CAMTA1: variants seen among roughly 807,000 people sequenced by gnomAD.
The protein encoded by CAMTA1 is calmodulin-binding transcription activator 1.
CAMTA1 carries 27 observed loss-of-function variants against 170.9 expected under a neutral mutation model. That is an observed-to-expected ratio of 0.16 (90% confidence interval 0.12 to 0.22). CAMTA1 has a LOEUF of 0.22. CAMTA1 is among the 10% of genes least tolerant of loss of function. The pLI, the probability that CAMTA1 is intolerant of heterozygous loss-of-function variation, is 1.00. For missense variants in CAMTA1, 1,619 were observed against 2,217.2 expected (o/e 0.73, Z 5.42); for synonymous variants, 833 against 891.5 (o/e 0.93, Z 1.17).
At chr1:7,382,644 C>T (rs545276949) in intron 5 of CAMTA1, 2 of 152,362 alleles carry the variant, frequency 1.3e-5, no homozygotes, top group South Asian at 4.1e-4. Flanking sequence ...TGTAGCAAGG[C>T]TGGCCCAAGG....
intron 5 of CAMTA1, among the ~76,000 whole-genome samples, chr1:7,261,977 C>T (rs769626458): frequency 1.9e-4 from 29 of 151,848 alleles, no homozygotes; most frequent in Non-Finnish European, 3.1e-4. Flanking sequence ...TACCCGTCTA[C>T]ATGCTGTGCA....
intron 3 of CAMTA1, among the ~76,000 whole-genome samples, chr1:6,900,566 C>G (rs1389824591): frequency 1.3e-5 from 2 of 151,510 alleles, no homozygotes; most frequent in Admixed American, 6.6e-5. Flanking sequence ...AAAAAAAAAC[C>G]CAAGCACCTA....
At chr1:6,988,814 C>T (rs562610792) in intron 3 of CAMTA1, among the ~76,000 whole-genome samples, 20 of 152,280 alleles carry the variant, frequency 1.3e-4, no homozygotes, top group African/African-American at 4.6e-4. Context: ...TAAATGGTAT[C>T]GTAAAGAGTT....
intron 4 of CAMTA1, among the ~76,000 whole-genome samples, chr1:7,094,870 A>G (rs1313341067): frequency 2.6e-5 from 4 of 152,242 alleles, no homozygotes; most frequent in South Asian, 2.1e-4. Context: ...TCAGTGTGAT[A>G]ATAATACCAT....
intron 5 of CAMTA1, among the ~76,000 whole-genome samples, chr1:7,374,358 A>T (rs1464871157): frequency 6.6e-6 from 1 of 152,264 alleles, no homozygotes; most frequent in Non-Finnish European, 1.5e-5. Flanking sequence ...AATAGCTTCA[A>T]ACTGGAAATG....
At chr1:7,720,903 C>T (rs548146690) in intron 11 of CAMTA1, among the ~76,000 whole-genome samples, 9 of 152,290 alleles carry the variant, frequency 5.9e-5, no homozygotes, top group African/African-American at 1.9e-4. Context: ...ATCACTTTGA[C>T]CATCCTCTCT....
At chr1:6,935,840 G>A (rs976244828) in intron 3 of CAMTA1, among the ~76,000 whole-genome samples, 1 of 152,172 alleles carries the variant, frequency 6.6e-6, no homozygotes, top group Non-Finnish European at 1.5e-5. Context: ...GCCCTAGACA[G>A]TCCCTGGTGG....
intron 5 of CAMTA1, among the ~76,000 whole-genome samples, chr1:7,410,935 GTATGTGTGTA>G (rs1557669506): frequency 2.0e-5 from 3 of 151,904 alleles, no homozygotes; most frequent in Admixed American, 1.3e-4. Context: ...ATGTCTGTGT[GTATGTGTGTA>G]TATGTGTGTA....
chr1:7,505,374 A>T (rs1319545107), intron 6 of CAMTA1, among the ~76,000 whole-genome samples: 1 of 152,124 alleles, frequency 6.6e-6, no homozygotes, highest in Non-Finnish European at 1.5e-5. Context: ...GTGTGCTGGG[A>T]CGTGGGCGTC....
intron 3 of CAMTA1, among the ~76,000 whole-genome samples, chr1:6,979,620 A>G (rs1350728768): frequency 6.6e-6 from 1 of 152,176 alleles, no homozygotes; most frequent in Non-Finnish European, 1.5e-5. Flanking sequence ...GTGTTGGTTG[A>G]ATTATTTTAG....
At chr1:7,612,689 C>A (rs2095531887) in intron 6 of CAMTA1, among the ~76,000 whole-genome samples, 1 of 152,234 alleles carries the variant, frequency 6.6e-6, no homozygotes, top group Admixed American at 6.5e-5. Context: ...GGAGTGATGG[C>A]TGCCAGGCAC....
chr1:7,695,788 T>G (rs893410707), intron 11 of CAMTA1, among the ~76,000 whole-genome samples: 20 of 152,166 alleles, frequency 1.3e-4, no homozygotes, highest in South Asian at 1.2e-3. Context: ...CACTTTTTTC[T>G]TTTTCTAAGT....
At chr1:6,952,339 G>T (rs1160739262) in intron 3 of CAMTA1, among the ~76,000 whole-genome samples, 2 of 149,310 alleles carry the variant, frequency 1.3e-5, no homozygotes, top group African/African-American at 2.5e-5. Context: ...GCTGAGGCAG[G>T]AGAAAGGCGT....
At chr1:7,191,406 C>T (rs1021019839) in intron 4 of CAMTA1, among the ~76,000 whole-genome samples, 9 of 152,316 alleles carry the variant, frequency 5.9e-5, no homozygotes, top group South Asian at 2.1e-4. Context: ...GGTATGCCAC[C>T]TTGCACCATA....
intron 6 of CAMTA1, among the ~76,000 whole-genome samples, chr1:7,479,461 G>A (rs1194545969): frequency 6.6e-6 from 1 of 152,150 alleles, no homozygotes; most frequent in Non-Finnish European, 1.5e-5. Flanking sequence ...GGACGTCCTG[G>A]GGGATTTTAT....
intron 4 of CAMTA1, among the ~76,000 whole-genome samples, chr1:7,118,219 G>A (rs552143702): frequency 2.0e-5 from 3 of 151,648 alleles, no homozygotes; most frequent in Non-Finnish European, 4.4e-5. Context: ...GGCATTGCCT[G>A]ATGGAGGGAC....
chr1:7,444,090 T>C (rs891244226), intron 5 of CAMTA1, among the ~76,000 whole-genome samples: 4 of 152,212 alleles, frequency 2.6e-5, no homozygotes, highest in African/African-American at 9.6e-5. Context: ...CCGCTGGTGC[T>C]CAGTGAGATT....
At chr1:7,319,684 G>T (rs1268717604) in intron 5 of CAMTA1, among the ~76,000 whole-genome samples, 1 of 152,120 alleles carries the variant, frequency 6.6e-6, no homozygotes, top group East Asian at 1.9e-4. Context: ...CACTCATTCA[G>T]CAAATAATTA....
intron 3 of CAMTA1, among the ~76,000 whole-genome samples, chr1:6,849,035 T>C (rs1453134322): frequency 6.6e-6 from 1 of 152,226 alleles, no homozygotes; most frequent in Non-Finnish European, 1.5e-5. Context: ...TTGAGTTCTT[T>C]GAGTTCTTTT....
Sources: allele counts gnomAD v4.1 joint callset (sites outside exome capture counted in the v4.1 genomes callset), GRCh38; gene constraint gnomAD v4.1.1; transcripts MANE v1.5; gene names NCBI Gene and HGNC (gene_info 2026-07-23, HGNC 2026-07-21).